The following IL17RC variants were observed in gnomAD, a reference collection of about 807,000 sequenced individuals.
The protein encoded by IL17RC is interleukin-17 receptor C.
IL17RC carries 53 observed loss-of-function variants against 86.7 expected under a neutral mutation model. The ratio of observed to expected loss-of-function variants is 0.61; its 90% CI spans 0.49 to 0.77. The LOEUF is 0.77. IL17RC is among the 30% of genes least tolerant of loss of function. The pLI is 0.00. For missense variants in IL17RC, 957 were observed against 940.0 expected, an observed-to-expected ratio of 1.02 and a Z score of -0.24; for synonymous variants, 439 against 413.1, an observed-to-expected ratio of 1.06 and a Z score of -0.76.
At chr3:9,925,465 A>C (rs146228623) in intron 9 of IL17RC, among the ~76,000 whole-genome samples, 1 of 152,034 alleles carries the variant, frequency 6.6e-6, no homozygotes, top group African/African-American at 2.4e-5. Context: ...CTTACCTCTG[A>C]CATTAATGTC....
At position 9,928,614 on chromosome 3, in the gene IL17RC, C is replaced by G. The variant is rs748752211; in HGVS notation, c.1094C>G (p.Pro365Arg). ...VLEFPLLKGH[P>R]NLCVQVNSSE... ...GAGTTCCCATTGCTGAAAGGCCACCCTAACCTCTGTGTTCAGGTCAGAAAG... is the reference window on the plus strand; with the variant it reads ...GAGTTCCCATTGCTGAAAGGCCACCGTAACCTCTGTGTTCAGGTCAGAAAG... Residue 365 changes from proline to arginine, a missense_variant, in exon 12 of 19, where the codon CCT (proline) becomes CGT (arginine). Coordinates refer to ENST00000403601, the MANE Select transcript of IL17RC (RefSeq NM_153460.4). The G allele has an allele frequency of 6.2e-7, 1 of 1,613,736 alleles. No homozygotes were observed. The highest frequency in any genetic ancestry group is 2.2e-5 in the East Asian group (1 of 44,878).
rs771542949 is a variant in IL17RC at position 9,930,935 on chromosome 3, T to C, written c.1379T>C (p.Met460Thr). ...TTGGGAGCGCTATGGGCCTGCCCCA[T>C]GGACAAATGTGAGTATTGTAAGAAC... ...DDLGALWACPMDKYIHKRWAL... is the reference protein window; with the variant it reads ...DDLGALWACPTDKYIHKRWAL... The change falls in exon 16 of 19, where the codon ATG becomes ACG. Residue 460 changes from methionine (M) to threonine (T), a missense_variant. Met to Thr is a moderately conservative substitution (Grantham distance 81, BLOSUM62 -1). Transcript: ENST00000403601. The surrounding 1 kb of genome is among the most constrained non-coding windows in gnomAD (Gnocchi z 5.8). The C allele has an allele frequency of 6.2e-7, 1 of 1,613,790 alleles. No individual in the cohort carries two copies. The highest frequency in any genetic ancestry group is 8.5e-7 in the Non-Finnish European group (1 of 1,179,650).
chr3:9,919,118 A>G (rs1462314901), intron 5 of IL17RC: 1 of 152,244 alleles, frequency 6.6e-6, no homozygotes, highest in Non-Finnish European at 1.5e-5. Flanking sequence ...TCTTTTCTGT[A>G]TTGTTCCAGT....
chr3:9,919,174 A>T (rs951354764), intron 5 of IL17RC: 2 of 152,236 alleles, frequency 1.3e-5, no homozygotes, highest in Non-Finnish European at 2.9e-5. Context: ...TGTAATTGTC[A>T]TAATTTTTCT....
chr3:9,921,956 T>TC (rs1400751532), intron 7 of IL17RC, among the ~76,000 whole-genome samples: 1 of 140,320 alleles, frequency 7.1e-6, no homozygotes, highest in Non-Finnish European at 1.5e-5. Flanking sequence ...CCAGTTCTTT[T>TC]TTTTTTTTTT....
intron 9 of IL17RC, among the ~76,000 whole-genome samples, chr3:9,925,997 C>T (rs974344035): frequency 4.0e-5 from 6 of 149,342 alleles, no homozygotes; most frequent in South Asian, 4.3e-4. Context: ...GCTGGGACTG[C>T]AGGCATGCGC....
Position 9,917,234 on chromosome 3 carries a change from C to T in IL17RC, c.-82C>T. ...GATTCCAGCCCCTGCCACCCACAGA[C>T]ACGGGCTGACTGGGGTGTCTGCCCC... On this transcript the variant is annotated 5_prime_UTR_variant, in exon 1 of 19. Transcript: ENST00000403601. The T allele has an allele frequency of 1.8e-6, 2 of 1,126,836 alleles. No individual in the cohort carries two copies. The highest frequency in any genetic ancestry group is 2.5e-6 in the Non-Finnish European group (2 of 792,782). The allele number at this position is 1,126,836 out of a possible 1,614,324, so 69.8% of individuals were successfully genotyped here.
Position 9,930,465 on chromosome 3 carries a change from C to G in IL17RC, c.1338+6C>G, listed in dbSNP as rs950547278. The G allele has an allele frequency of 1.9e-6, 3 of 1,613,688 alleles. No individual in the cohort carries two copies. In the African/African-American group the frequency reaches 4.0e-5, roughly 22 times the overall value. ...AGTCAGGCCAGTGTCTGCAGGTGAGCTGGTGGAAGAAGGGCCCCACCTCAA... is the reference window on the plus strand; with the variant it reads ...AGTCAGGCCAGTGTCTGCAGGTGAGGTGGTGGAAGAAGGGCCCCACCTCAA... On this transcript the variant is annotated splice_donor_region_variant and intron_variant, in intron 15 of 18. Transcript: ENST00000403601. The surrounding 1 kb of genome is among the most constrained non-coding windows in gnomAD (Gnocchi z 5.8).
intron 7 of IL17RC, among the ~76,000 whole-genome samples, chr3:9,921,636 T>TAC (rs2083564083): frequency 6.8e-6 from 1 of 147,128 alleles, no homozygotes; most frequent in African/African-American, 2.5e-5. Context: ...TTTTTTTTTT[T>TAC]TTTTTTGAGA....
chr3:9,930,473 A>G lies in IL17RC; in HGVS notation c.1338+14A>G, dbSNP rs760560130. 3.1e-6 allele frequency: 5 copies of G among 1,613,362 alleles called. No individual in the cohort carries two copies. Among genetic ancestry groups the G allele is most frequent in the African/African-American group, 1.3e-5 (1 of 74,902 alleles). The stretch of plus-strand genomic sequence containing the variant: ...CAGTGTCTGCAGGTGAGCTGGTGGA[A>G]GAAGGGCCCCACCTCAATGCCTAGG... On this transcript the variant is annotated intron_variant, in intron 15 of 18. Coordinates refer to ENST00000403601, the MANE Select transcript of IL17RC (RefSeq NM_153460.4). This position sits in a 1 kb window ranked among gnomAD's most constrained non-coding sequence, Gnocchi z 5.8.
chr3:9,930,964 C>T lies in IL17RC; in HGVS notation c.1387+21C>T. 1 of 1,607,296 alleles carries T rather than the reference C, an allele frequency of 6.2e-7. No individual in the cohort carries two copies. Among genetic ancestry groups the T allele is most frequent in the South Asian group, 1.1e-5 (1 of 90,934 alleles). The stretch of plus-strand genomic sequence containing the variant: ...CAAATGTGAGTATTGTAAGAACTGC[C>T]TTTCCTTTCTGTACCAGGAGTGGGG... On this transcript the variant is annotated intron_variant, in intron 16 of 18. Coordinates refer to ENST00000403601, the MANE Select transcript of IL17RC (RefSeq NM_153460.4). This position sits in a 1 kb window ranked among gnomAD's most constrained non-coding sequence, Gnocchi z 5.8.
At chr3:9,931,784 C>T (rs1252720326) in intron 16 of IL17RC, among the ~76,000 whole-genome samples, 2 of 150,568 alleles carry the variant, frequency 1.3e-5, no homozygotes, top group Non-Finnish European at 2.9e-5. Context: ...GGATTATAGT[C>T]GTGAGTCACC....
Position 9,933,017 on chromosome 3 carries a change from G to A in IL17RC, c.1587G>A (p.Leu529=), listed in dbSNP as rs1254733614. 4.5e-6 allele frequency: 7 copies of A among 1,565,634 alleles called. No individual in the cohort carries two copies. Among genetic ancestry groups the A allele is most frequent in the African/African-American group, 2.7e-5 (2 of 73,152 alleles). ...CCGATGACTCGGGTTTCGAGCGCCT[G>A]GTGGGCGCCCTGGCGTCGGCCCTGT... ...YSADDSGFER[L]VGALASALCQ... Residue 529 remains leucine (L), a synonymous_variant, in exon 19 of 19, where the codon CTG becomes CTA. Coordinates refer to ENST00000403601, the MANE Select transcript of IL17RC (RefSeq NM_153460.4).
At chr3:9,931,527 G>A (rs1251396119) in intron 16 of IL17RC, among the ~76,000 whole-genome samples, 2 of 144,986 alleles carry the variant, frequency 1.4e-5, no homozygotes, top group Admixed American at 6.9e-5. Context: ...TTATTTTTGA[G>A]GCAGAGTCTC....
intron 13 of IL17RC, 42 bp from the exon 14 acceptor site, chr3:9,929,986 C>T: frequency 6.2e-7 from 1 of 1,613,632 alleles, no homozygotes; most frequent in South Asian, 1.1e-5. Flanking sequence ...CCAATCCCAG[C>T]AAGGATGGGT....
intron 9 of IL17RC, among the ~76,000 whole-genome samples, chr3:9,926,005 C>T (rs1216821666): frequency 2.7e-5 from 4 of 147,546 alleles, no homozygotes; most frequent in South Asian, 2.2e-4. Flanking sequence ...TGCAGGCATG[C>T]GCCACCATGC....
At chr3:9,926,421 T>C (rs979037304) in intron 9 of IL17RC, among the ~76,000 whole-genome samples, 4 of 152,200 alleles carry the variant, frequency 2.6e-5, no homozygotes, top group Non-Finnish European at 5.9e-5. Context: ...TTTCTTCTTG[T>C]ACACAACAGA....
rs555844378 is a variant in IL17RC, at chr3:9,921,574, T to C, written c.622+605T>C. On this transcript the variant is annotated intron_variant, in intron 7 of 18. Transcript: ENST00000403601. ...TTGTTTTCGTTTTGTATTTTCTTTTTTATTGTGTATAACATACATACATAA... is the reference window on the plus strand; with the variant it reads ...TTGTTTTCGTTTTGTATTTTCTTTTCTATTGTGTATAACATACATACATAA... Among the ~76,000 whole-genome samples the C allele has an allele frequency of 2.5e-4, 38 of 152,342 alleles. 2 individuals carry two copies. The highest frequency in any genetic ancestry group is 7.9e-4 in the African/African-American group (33 of 41,574).
intron 7 of IL17RC, 51 bp from the exon 8 acceptor site, chr3:9,923,830 G>A: frequency 6.3e-7 from 1 of 1,598,952 alleles, no homozygotes; most frequent in African/African-American, 1.3e-5. Flanking sequence ...AGTCGGGGAT[G>A]CAGAAGAGGT....
Sources: gnomAD v4.1 joint callset for allele counts (sites outside exome capture counted in the v4.1 genomes callset) on GRCh38, gnomAD v4.1.1 for gene constraint, Gnocchi (gnomAD v3.1) non-coding constraint, MANE v1.5 for transcripts, NCBI Gene and HGNC (gene_info 2026-07-23, HGNC 2026-07-21) for gene names.